Variants in SORCS3 observed in about 807,000 individuals in gnomAD.
SORCS3 encodes VPS10 domain-containing receptor SorCS3.
SORCS3 carries 57 observed loss-of-function variants against 146.3 expected under a neutral mutation model. That is an observed-to-expected ratio of 0.39 (90% CI 0.31 to 0.49). The LOEUF is 0.49. SORCS3 is among the 20% of genes least tolerant of loss of function. The pLI, the probability that SORCS3 is intolerant of heterozygous loss-of-function variation, is 0.92. For synonymous variants in SORCS3, 653 were observed against 618.5 expected, an observed-to-expected ratio of 1.06 and a Z score of -0.83; for missense variants, 1,341 against 1,575.5, an observed-to-expected ratio of 0.85 and a Z score of 2.52.
At chr10:104,776,881 A>C (rs1198811889) in intron 1 of SORCS3, among the ~76,000 whole-genome samples, 1 of 151,948 alleles carries the variant, frequency 6.6e-6, no homozygotes, top group Admixed American at 6.6e-5. Context: ...CAGGGAAAAA[A>C]AAAAAAAAAC....
chr10:105,218,336 T>A (rs1055113856), intron 19 of SORCS3, among the ~76,000 whole-genome samples: 1 of 152,196 alleles, frequency 6.6e-6, no homozygotes, highest in African/African-American at 2.4e-5. Context: ...TTTGTAATAG[T>A]AAACACACAA....
Position 104,943,423 on chromosome 10 carries a change from G to A in SORCS3, c.795+27491G>A, listed in dbSNP as rs536641764. 2.6e-5 allele frequency among the ~76,000 whole-genome samples: 4 copies of A among 152,222 alleles called. No homozygotes were observed. In the South Asian group the frequency reaches 8.3e-4, roughly 32 times the overall value. ...TTACAGGCATAAGCCACTGTGCCCG[G>A]CCAAATGTAAAAAGAGTTCTATGTA... is the stretch of plus-strand genomic sequence containing the variant. On this transcript the variant is annotated intron_variant, in intron 3 of 26. Transcript: ENST00000369701.
chr10:105,087,698 GTTCA>G (rs1260033070), intron 5 of SORCS3, among the ~76,000 whole-genome samples: 1 of 152,108 alleles, frequency 6.6e-6, no homozygotes, highest in African/African-American at 2.4e-5. Context: ...GGTCCCAATG[GTTCA>G]AAAATAAATA....
chr10:105,082,413 G>C (rs930061577), intron 5 of SORCS3, among the ~76,000 whole-genome samples: 4 of 152,132 alleles, frequency 2.6e-5, no homozygotes, highest in African/African-American at 9.7e-5. Context: ...CCTTCAAATA[G>C]AAAATAATAT....
intron 4 of SORCS3, among the ~76,000 whole-genome samples, chr10:105,042,234 C>A (rs34795793): frequency 6.6e-6 from 1 of 152,086 alleles, no homozygotes; most frequent in Non-Finnish European, 1.5e-5. Context: ...GTGGTGGCAC[C>A]GTGGAAGCTT....
At chr10:105,044,186 T>C (rs1484077833) in intron 5 of SORCS3, among the ~76,000 whole-genome samples, 2 of 152,088 alleles carry the variant, frequency 1.3e-5, no homozygotes, top group Non-Finnish European at 2.9e-5. Flanking sequence ...CTGGTCATTA[T>C]AGTGATACCC....
intron 1 of SORCS3, among the ~76,000 whole-genome samples, chr10:104,652,067 GTGT>G (rs2015569674): frequency 2.0e-5 from 3 of 151,390 alleles, no homozygotes; most frequent in Admixed American, 2.0e-4. Flanking sequence ...AAATGTGTGT[GTGT>G]GTGTGTGTGT....
intron 21 of SORCS3, among the ~76,000 whole-genome samples, chr10:105,246,439 A>C (rs2119735002): frequency 6.6e-6 from 1 of 151,160 alleles, no homozygotes; most frequent in Admixed American, 6.6e-5. Flanking sequence ...TTATACTTTA[A>C]GTTTTAGGGT....
At chr10:104,873,401 G>A (rs187995771) in intron 2 of SORCS3, among the ~76,000 whole-genome samples, 91 of 152,328 alleles carry the variant, frequency 6.0e-4, no homozygotes, top group Admixed American at 3.9e-4. Context: ...TTGTTGAGCA[G>A]TGGGAGCCAG....
intron 14 of SORCS3, among the ~76,000 whole-genome samples, chr10:105,194,431 G>C (rs574067780): frequency 6.6e-6 from 1 of 152,174 alleles, no homozygotes; most frequent in Admixed American, 6.5e-5. Context: ...GATTATGTTG[G>C]TGAAAATATG....
intron 1 of SORCS3, among the ~76,000 whole-genome samples, chr10:104,649,785 C>T (rs1201224236): frequency 6.6e-6 from 1 of 152,152 alleles, no homozygotes; most frequent in Non-Finnish European, 1.5e-5. Context: ...CACTAATAAG[C>T]TATGAATAAA....
In SORCS3 at chr10:104,908,196, G is replaced by T. The variant is rs551715280; in HGVS notation, c.696-7637G>T. Among the ~76,000 whole-genome samples, 9 of 152,326 alleles carry T rather than the reference G, an allele frequency of 5.9e-5. No individual in the cohort carries two copies. In the South Asian group the frequency reaches 1.9e-3, roughly 32 times the overall value. On this transcript the variant is annotated intron_variant, in intron 2 of 26. Coordinates refer to ENST00000369701, the MANE Select transcript of SORCS3 (RefSeq NM_014978.3). ...GAGCTGCTAGTGGGTGCTCCCCAAG[G>T]CCTGGCACTTGGAAGCATAGTTGTA...
chr10:104,840,511 G>T (rs1312566564), intron 1 of SORCS3, among the ~76,000 whole-genome samples: 8 of 152,196 alleles, frequency 5.3e-5, no homozygotes, highest in Non-Finnish European at 2.9e-5. Context: ...TACTAGACTA[G>T]ACTGTGAGCT....
intron 9 of SORCS3, among the ~76,000 whole-genome samples, chr10:105,151,390 A>G (rs1341569724): frequency 1.3e-5 from 2 of 152,116 alleles, no homozygotes; most frequent in Non-Finnish European, 2.9e-5. Context: ...TTCCCCTCAT[A>G]TTTACATACC....
intron 5 of SORCS3, among the ~76,000 whole-genome samples, chr10:105,061,198 C>T (rs191994934): frequency 1.3e-4 from 20 of 151,924 alleles, no homozygotes; most frequent in African/African-American, 4.3e-4. Context: ...TATCATTTCT[C>T]CCAGGGTAAG....
intron 4 of SORCS3, among the ~76,000 whole-genome samples, chr10:104,994,753 G>A (rs1285364323): frequency 2.0e-5 from 3 of 152,144 alleles, no homozygotes; most frequent in Non-Finnish European, 2.9e-5. Context: ...ATTCTTTTGT[G>A]ATTGATTTAT....
At chr10:104,931,879 C>A (rs1394573404) in intron 3 of SORCS3, among the ~76,000 whole-genome samples, 1 of 152,152 alleles carries the variant, frequency 6.6e-6, no homozygotes, top group African/African-American at 2.4e-5. Context: ...TGCAATTATC[C>A]AAAGTGGTCT....
At chr10:105,215,724 G>T (rs1467021823) in intron 18 of SORCS3, among the ~76,000 whole-genome samples, 1 of 151,920 alleles carries the variant, frequency 6.6e-6, no homozygotes, top group Non-Finnish European at 1.5e-5. Context: ...GACATTGTGT[G>T]GGGGGCAAGA....
chr10:105,170,286 A>T (rs1360540844), intron 13 of SORCS3, among the ~76,000 whole-genome samples: 1 of 152,102 alleles, frequency 6.6e-6, no homozygotes, highest in African/African-American at 2.4e-5. Context: ...TGGGAAAATT[A>T]CTCAATATTC....
Sources: allele counts gnomAD v4.1 joint callset (sites outside exome capture counted in the v4.1 genomes callset), GRCh38; gene constraint gnomAD v4.1.1; transcripts MANE v1.5; gene names NCBI Gene and HGNC (gene_info 2026-07-23, HGNC 2026-07-21).